Variants in BARD1 observed in about 807,000 individuals in gnomAD.
The protein encoded by BARD1 is BRCA1 associated RING domain 1.
A neutral mutation model predicts 77.0 loss-of-function variants in BARD1; 73 were observed. That is an observed-to-expected ratio of 0.95 (90% CI 0.79 to 1.15). The LOEUF is 1.15. BARD1 is among the 50% of genes most tolerant of loss of function. The probability of loss-of-function intolerance (pLI) is 0.00; values close to 1 mark genes in which losing one functional copy is unlikely to be tolerated. For missense variants in BARD1, 993 were observed against 938.8 expected, an observed-to-expected ratio of 1.06 and a Z score of -0.75; for synonymous variants, 384 against 338.0, an observed-to-expected ratio of 1.14 and a Z score of -1.49.
At chr2:214,741,957 T>C (rs2106011937) in intron 9 of BARD1, among the ~76,000 whole-genome samples, 1 of 152,318 alleles carries the variant, frequency 6.6e-6, no homozygotes, top group East Asian at 1.9e-4. Flanking sequence ...GTTTAGTTTA[T>C]AAAATGTGTT....
chr2:214,744,257 G>A (rs1382807846), intron 9 of BARD1, among the ~76,000 whole-genome samples: 1 of 152,146 alleles, frequency 6.6e-6, no homozygotes, highest in Non-Finnish European at 1.5e-5. Context: ...CATTTTCAGT[G>A]GAGGTTGAGA....
Position 214,726,034 on chromosome 2 carries a change from G to T in BARD1, c.*2642C>A. 4.9e-6 allele frequency: 1 copy of T among 202,814 alleles called. No individual in the cohort carries two copies. Among genetic ancestry groups the T allele is most frequent in the Non-Finnish European group, 9.6e-6 (1 of 103,702 alleles). The allele number at this position is 202,814 out of a possible 1,614,324, so 12.6% of individuals were successfully genotyped here. On this transcript the variant is annotated 3_prime_UTR_variant, in exon 11 of 11. Transcript: ENST00000260947. ...CTTAACTATTAAATTTACAAGGCAGGTGCAAAAAAAAAAAAAGGTGGGGGG... is the reference window on the plus strand; with the variant it reads ...CTTAACTATTAAATTTACAAGGCAGTTGCAAAAAAAAAAAAAGGTGGGGGG...
At chr2:214,767,743 G>A (rs1378368615) in intron 5 of BARD1, 89 bp from the exon 6 acceptor site, 4 of 1,228,534 alleles carry the variant, frequency 3.3e-6, no homozygotes, top group Non-Finnish European at 4.6e-6. Context: ...AAAAATAAAT[G>A]TAAACGTCAG....
intron 4 of BARD1, among the ~76,000 whole-genome samples, chr2:214,772,009 G>T (rs1443034664): frequency 1.3e-5 from 2 of 150,312 alleles, no homozygotes; most frequent in Non-Finnish European, 2.9e-5. Flanking sequence ...CATGTATTTA[G>T]CAACTGGAGT....
chr2:214,806,638 C>T (rs1424263137), intron 1 of BARD1, among the ~76,000 whole-genome samples: 2 of 152,096 alleles, frequency 1.3e-5, no homozygotes, highest in East Asian at 3.9e-4. Context: ...CTTTGGGAGG[C>T]TGAAGTGGGC....
intron 10 of BARD1, chr2:214,730,150 T>C (rs769852632): frequency 1.9e-5 from 9 of 484,450 alleles, no homozygotes; most frequent in Admixed American, 1.3e-4. Context: ...AGCTACTTCC[T>C]GTATCTGAGA....
intron 2 of BARD1, chr2:214,796,839 A>G (rs1695774785): frequency 1.8e-6 from 1 of 558,084 alleles, no homozygotes; most frequent in African/African-American, 1.9e-5. Context: ...CTGTCTACTA[A>G]GCTTTGTAAC....
chr2:214,766,870 T>C (rs1215273921), intron 6 of BARD1, among the ~76,000 whole-genome samples: 1 of 152,188 alleles, frequency 6.6e-6, no homozygotes, highest in Non-Finnish European at 1.5e-5. Context: ...AGGTTTGTTA[T>C]ATAGGTAAAC....
chr2:214,770,988 GCCTTTTTAAAAAT>G (rs1309123005), intron 4 of BARD1, among the ~76,000 whole-genome samples: 1 of 152,084 alleles, frequency 6.6e-6, no homozygotes, highest in Admixed American at 6.5e-5. Context: ...AACTCTTAAA[GCCTTTTTAAAAAT>G]CTCTAGCTGT....
chr2:214,745,759 A>T lies in BARD1; in HGVS notation c.1773T>A (p.Ile591=), dbSNP rs201565373. 6.2e-7 allele frequency: 1 copy of T among 1,614,062 alleles called. No homozygotes were observed. The highest frequency in any genetic ancestry group is 1.7e-5 in the Admixed American group (1 of 60,018). ...ACTCAGTATATTTTTTAGCCTTAAG[A>T]ATTACTGCAAGCTCACTGAGCATTT... ...QQKMLSELAV[I]LKAKKYTEFD... The change falls in exon 8 of 11, where the codon ATT becomes ATA. Residue 591 remains isoleucine (I), a synonymous_variant. Transcript: ENST00000260947.
intron 6 of BARD1, among the ~76,000 whole-genome samples, chr2:214,754,184 T>C (rs1392449300): frequency 6.6e-6 from 1 of 151,960 alleles, no homozygotes; most frequent in African/African-American, 2.4e-5. Context: ...AGAACCAATG[T>C]TCTAGGTCTT....
At position 214,770,279 on chromosome 2, in the gene BARD1, T is replaced by C. The variant is rs531061660; in HGVS notation, c.1315-967A>G. ...CACCCATTATCAACTAATTCAACTA[T>C]ACGAAATAGAGCTTCTGTAATGTAG... On this transcript the variant is annotated intron_variant, in intron 4 of 10. Transcript: ENST00000260947. Among the ~76,000 whole-genome samples, 11 of 152,322 alleles carry C rather than the reference T, an allele frequency of 7.2e-5. No homozygotes were observed. In the East Asian group the frequency reaches 1.9e-3, roughly 27 times the overall value.
intron 6 of BARD1, among the ~76,000 whole-genome samples, chr2:214,753,621 T>C (rs1379970681): frequency 6.6e-6 from 1 of 152,010 alleles, no homozygotes. Context: ...AAGTGAAAGG[T>C]AGAAAAATGC....
In BARD1 at chr2:214,745,858, T is replaced by C. The variant is rs1693090048; in HGVS notation, c.1678-4A>G. The C allele has an allele frequency of 6.2e-7, 1 of 1,613,844 alleles. No homozygotes were observed. The highest frequency in any genetic ancestry group is 1.3e-5 in the African/African-American group (1 of 74,920). On this transcript the variant is annotated splice_polypyrimidine_tract_variant and splice_region_variant and intron_variant, in intron 7 of 10. Coordinates refer to ENST00000260947, the MANE Select transcript of BARD1 (RefSeq NM_000465.4). ...CCCTACGCTGCCCAGTGTTCATCTG[T>C]TAATATAAAAGGAGATACCAGTGTT...
chr2:214,781,588 C>A, intron 3 of BARD1, 79 bp from the exon 4 acceptor site: 1 of 1,137,646 alleles, frequency 8.8e-7, no homozygotes. Flanking sequence ...ATTTTGTTTA[C>A]AGTTCCCCTA....
At chr2:214,801,141 G>C (rs75746761) in intron 1 of BARD1, among the ~76,000 whole-genome samples, 2,349 of 152,204 alleles carry the variant, frequency 0.015, 22 homozygotes, top group Non-Finnish European at 0.023. Context: ...TGTCAACTAC[G>C]TTCATGTATA....
intron 2 of BARD1, among the ~76,000 whole-genome samples, chr2:214,795,913 C>A (rs60653675): frequency 0.026 from 3,996 of 152,206 alleles, 174 homozygotes; most frequent in African/African-American, 0.092. Flanking sequence ...TCCTACCCCC[C>A]ATCCTCCTGC....
chr2:214,735,215 C>G (rs1359280234), intron 9 of BARD1, among the ~76,000 whole-genome samples: 1 of 152,062 alleles, frequency 6.6e-6, no homozygotes, highest in Non-Finnish European at 1.5e-5. Flanking sequence ...CTTAGACTCA[C>G]AAAACAGCAC....
rs1429925742 is a variant in BARD1 at position 214,728,297 on chromosome 2, A to T, written c.*379T>A. On this transcript the variant is annotated 3_prime_UTR_variant, in exon 11 of 11. Coordinates refer to ENST00000260947, the MANE Select transcript of BARD1 (RefSeq NM_000465.4). Reference sequence around the variant, plus strand: ...TCTGTTTACTAAAAAAAAAAAAAAAAAAAAGGCAAGTTTTTTCACTGGTGG... The same window carrying T: ...TCTGTTTACTAAAAAAAAAAAAAAATAAAAGGCAAGTTTTTTCACTGGTGG... 4.1e-6 allele frequency: 1 copy of T among 245,404 alleles called. No individual in the cohort carries two copies. The highest frequency in any genetic ancestry group is 7.9e-6 in the Non-Finnish European group (1 of 126,618). The allele number at this position is 245,404 out of a possible 1,614,324, so 15.2% of individuals were successfully genotyped here.
Sources: gnomAD v4.1 joint callset for allele counts (sites outside exome capture counted in the v4.1 genomes callset) on GRCh38, gnomAD v4.1.1 for gene constraint, MANE v1.5 for transcripts, NCBI Gene and HGNC (gene_info 2026-07-23, HGNC 2026-07-21) for gene names.